RBFOX1: variants seen among roughly 807,000 people sequenced by gnomAD.
RBFOX1 encodes RNA binding protein fox-1 homolog 1.
A neutral mutation model predicts 57.7 loss-of-function variants in RBFOX1; 8 were observed. The observed-to-expected ratio is 0.14, with a 90% CI of 0.08 to 0.25. The LOEUF is 0.25. Among genes scored for constraint, RBFOX1 ranks in the 10% least tolerant of loss-of-function variants. The probability of loss-of-function intolerance (pLI) is 1.00; values close to 1 mark genes in which losing one functional copy is unlikely to be tolerated. For missense variants in RBFOX1, 611 were observed against 548.5 expected, an observed-to-expected ratio of 1.11 and a Z score of -1.14; for synonymous variants, 326 against 222.4, an observed-to-expected ratio of 1.47 and a Z score of -4.15.
intron 4 of RBFOX1, among the ~76,000 whole-genome samples, chr16:7,198,132 A>C (rs989558676): frequency 2.0e-5 from 3 of 147,998 alleles, no homozygotes; most frequent in South Asian, 2.2e-4. Flanking sequence ...CAGCCTCCCA[A>C]GTAGCTGGGA....
chr16:7,152,768 G>C (rs140552793), intron 4 of RBFOX1, among the ~76,000 whole-genome samples: 6 of 152,116 alleles, frequency 3.9e-5, no homozygotes, highest in African/African-American at 1.4e-4. Context: ...ATGGGGTCCA[G>C]GTACGATATT....
chr16:6,553,363 G>T (rs2097027848), intron 2 of RBFOX1, among the ~76,000 whole-genome samples: 1 of 152,214 alleles, frequency 6.6e-6, no homozygotes, highest in South Asian at 2.1e-4. Context: ...AATGTGTGGA[G>T]TGTATAGGAC....
At chr16:5,679,580 A>T (rs1282793726) in intron 3 of RBFOX1, among the ~76,000 whole-genome samples, 1 of 151,754 alleles carries the variant, frequency 6.6e-6, no homozygotes, top group African/African-American at 2.4e-5. Context: ...TTCAACTCCC[A>T]CTTATGAGTG....
At chr16:5,769,374 C>T (rs2053899051) in intron 3 of RBFOX1, among the ~76,000 whole-genome samples, 1 of 151,786 alleles carries the variant, frequency 6.6e-6, no homozygotes, top group East Asian at 1.9e-4. Context: ...GGTGCAGTGG[C>T]TCGCACCTAT....
intron 14 of RBFOX1, among the ~76,000 whole-genome samples, chr16:7,688,824 C>A (rs1037442894): frequency 2.0e-5 from 3 of 152,056 alleles, no homozygotes; most frequent in Non-Finnish European, 4.4e-5. Flanking sequence ...GTTTTTAATT[C>A]TTTCTCTCAA....
At chr16:7,344,616 C>G (rs747229434) in intron 4 of RBFOX1, among the ~76,000 whole-genome samples, 15 of 151,830 alleles carry the variant, frequency 9.9e-5, no homozygotes, top group Admixed American at 6.6e-5. Context: ...ACTCTTGCTA[C>G]TATGACAAGT....
chr16:6,524,884 C>A (rs979096455), intron 2 of RBFOX1, among the ~76,000 whole-genome samples: 1 of 152,118 alleles, frequency 6.6e-6, no homozygotes. Flanking sequence ...ATAAGGACAC[C>A]ATTCCCTGGA....
At chr16:6,911,400 T>C (rs1321813947) in intron 3 of RBFOX1, among the ~76,000 whole-genome samples, 2 of 152,148 alleles carry the variant, frequency 1.3e-5, no homozygotes, top group Non-Finnish European at 2.9e-5. Flanking sequence ...GAGGAATCTG[T>C]TCCATGCCCC....
In RBFOX1 at chr16:6,437,217, G is replaced by A. The variant is rs144606874; in HGVS notation, c.-64+120160G>A. ...TTTTACTGTTCAATCAGGAATGAGC[G>A]TCCACAGCATCGTTGCTCACATACT... On this transcript the variant is annotated intron_variant, in intron 2 of 15. Coordinates refer to ENST00000550418, the MANE Select transcript of RBFOX1 (RefSeq NM_018723.4). Among the ~76,000 whole-genome samples the A allele has an allele frequency of 1.1e-4, 16 of 152,280 alleles. No individual in the cohort carries two copies. The East Asian group carries it at 2.3e-3, about 22-fold the overall frequency.
At chr16:5,766,843 C>G (rs890998144) in intron 3 of RBFOX1, among the ~76,000 whole-genome samples, 4 of 152,208 alleles carry the variant, frequency 2.6e-5, no homozygotes, top group African/African-American at 9.7e-5. Flanking sequence ...CACCAAATCC[C>G]ACTTTATTTC....
rs944393715 is a variant in RBFOX1 at position 7,367,068 on chromosome 16, C to G, written c.28-151079C>G. Among the ~76,000 whole-genome samples, 6 of 144,322 alleles carry G rather than the reference C, an allele frequency of 4.2e-5. No individual in the cohort carries two copies. In the South Asian group the frequency reaches 1.1e-3, roughly 27 times the overall value. 94.7% of individuals were successfully genotyped at this position (144,322 alleles called of 152,430 possible). A position where few individuals can be genotyped will look rare whatever the true frequency, so the allele number is the denominator to read the frequency against. On this transcript the variant is annotated intron_variant, in intron 4 of 15. Coordinates refer to ENST00000550418, the MANE Select transcript of RBFOX1 (RefSeq NM_018723.4). ...CCCCAAACCCCCCAGTTTTTTTTTT[C>G]TTTTTGTCTTAGACAATATGGTGTC... is the stretch of plus-strand genomic sequence containing the variant.
At chr16:7,208,020 G>A (rs1213559792) in intron 4 of RBFOX1, among the ~76,000 whole-genome samples, 1 of 152,136 alleles carries the variant, frequency 6.6e-6, no homozygotes, top group Non-Finnish European at 1.5e-5. Context: ...ACTGAAACCG[G>A]CGCATGGTAT....
intron 3 of RBFOX1, among the ~76,000 whole-genome samples, chr16:7,025,075 G>C (rs183761429): frequency 6.6e-6 from 1 of 152,176 alleles, no homozygotes; most frequent in Non-Finnish European, 1.5e-5. Context: ...CGTGTCTGTA[G>C]AGTGAAGCGA....
At chr16:5,814,209 C>T (rs562370719) in intron 3 of RBFOX1, among the ~76,000 whole-genome samples, 6 of 152,194 alleles carry the variant, frequency 3.9e-5, no homozygotes, top group African/African-American at 1.2e-4. Flanking sequence ...ATCCGTATGC[C>T]CTCCTTTCCC....
intron 3 of RBFOX1, among the ~76,000 whole-genome samples, chr16:6,773,337 A>C (rs1171700538): frequency 1.1e-5 from 1 of 91,764 alleles, no homozygotes; most frequent in Non-Finnish European, 2.1e-5. Flanking sequence ...ATTTCTGTGC[A>C]TGTGTATGTG....
intron 1 of RBFOX1, among the ~76,000 whole-genome samples, chr16:6,284,542 C>T (rs555650179): frequency 2.6e-5 from 4 of 152,224 alleles, no homozygotes; most frequent in Middle Eastern, 3.4e-3. Flanking sequence ...TTTTTATCAC[C>T]TGTTTGCCTG....
At chr16:7,287,601 T>G (rs2095675505) in intron 4 of RBFOX1, among the ~76,000 whole-genome samples, 1 of 152,202 alleles carries the variant, frequency 6.6e-6, no homozygotes, top group Non-Finnish European at 1.5e-5. Flanking sequence ...AACCTTTTAT[T>G]TTTCCTTATA....
intron 4 of RBFOX1, among the ~76,000 whole-genome samples, chr16:7,376,405 C>T (rs1596839749): frequency 6.6e-6 from 1 of 152,154 alleles, no homozygotes; most frequent in Non-Finnish European, 1.5e-5. Flanking sequence ...GGACTTTCAT[C>T]CCCATTTCAC....
At chr16:6,221,882 A>C (rs1045204864) in intron 1 of RBFOX1, among the ~76,000 whole-genome samples, 44 of 152,198 alleles carry the variant, frequency 2.9e-4, no homozygotes, top group Non-Finnish European at 5.3e-4. Context: ...CCTTGACCCA[A>C]GGGAATTATT....
Sources: gnomAD v4.1 joint callset for allele counts (sites outside exome capture counted in the v4.1 genomes callset) on GRCh38, gnomAD v4.1.1 for gene constraint, MANE v1.5 for transcripts, NCBI Gene and HGNC (gene_info 2026-07-23, HGNC 2026-07-21) for gene names.